The following EPHA6 variants were observed in gnomAD, a reference collection of about 807,000 sequenced individuals.
EPHA6 encodes ephrin type-A receptor 6.
A neutral mutation model predicts 112.0 loss-of-function variants in EPHA6; 50 were observed. That is an observed-to-expected ratio of 0.45 (90% CI 0.36 to 0.56). The LOEUF (loss-of-function observed/expected upper bound fraction) is 0.56. EPHA6 is among the 20% of genes least tolerant of loss of function. The probability of loss-of-function intolerance (pLI) is 0.00; values close to 1 mark genes in which losing one functional copy is unlikely to be tolerated. For synonymous variants in EPHA6, 529 were observed against 490.7 expected (o/e 1.08, Z -1.03); for missense variants, 1,280 against 1,417.4 (o/e 0.90, Z 1.56).
At position 97,032,267 on chromosome 3, in the gene EPHA6, G is replaced by T. The variant is rs183003329; in HGVS notation, c.1114+44274G>T. On this transcript the variant is annotated intron_variant, in intron 3 of 17. Transcript: ENST00000389672. ...AACAATGAGAACAACTTGGACACAG[G>T]AAGGGGAACATCACACACCAGGGAC... Among the ~76,000 whole-genome samples, 648 of 152,162 alleles carry T rather than the reference G, an allele frequency of 4.3e-3. 5 individuals are homozygous for T. Among genetic ancestry groups the T allele is most frequent in the Non-Finnish European group, 5.6e-3 (382 of 67,986 alleles).
chr3:97,270,616 AT>A (rs2079845947), intron 5 of EPHA6, among the ~76,000 whole-genome samples: 1 of 152,222 alleles, frequency 6.6e-6, no homozygotes, highest in Non-Finnish European at 1.5e-5. Flanking sequence ...TCAAAGCTTC[AT>A]AGCATAACTG....
intron 7 of EPHA6, among the ~76,000 whole-genome samples, chr3:97,469,562 T>C (rs1019830881): frequency 6.6e-6 from 1 of 151,660 alleles, no homozygotes; most frequent in Non-Finnish European, 1.5e-5. Flanking sequence ...GTACCTGAAC[T>C]AAGAAAATAC....
intron 1 of EPHA6, among the ~76,000 whole-genome samples, chr3:96,837,285 G>A (rs954301982): frequency 6.6e-6 from 1 of 152,064 alleles, no homozygotes; most frequent in Non-Finnish European, 1.5e-5. Context: ...ATTGCTCTCT[G>A]GTAGTAATGT....
chr3:97,548,577 A>C (rs963652255), intron 11 of EPHA6, among the ~76,000 whole-genome samples: 6 of 152,162 alleles, frequency 3.9e-5, no homozygotes, highest in African/African-American at 1.4e-4. Flanking sequence ...TGTCAATTAG[A>C]ATTCTTCTCT....
At position 97,085,928 on chromosome 3, in the gene EPHA6, C is replaced by CATATATAT. The variant is rs67777487; in HGVS notation, c.1114+97949_1114+97956dup. Among the ~76,000 whole-genome samples, 316 of 119,468 alleles carry CATATATAT rather than the reference C, an allele frequency of 2.6e-3. 10 individuals are homozygous for CATATATAT. Among genetic ancestry groups the CATATATAT allele is most frequent in the African/African-American group, 8.6e-3 (193 of 22,332 alleles). 78.4% of individuals were successfully genotyped at this position (119,468 alleles called of 152,430 possible). A position where few individuals can be genotyped will look rare whatever the true frequency, so the allele number is the denominator to read the frequency against. ...TTGTGAGCTTTTATATATATGATGT[C>CATATATAT]ATATATATATATATATATATACACA... On this transcript the variant is annotated intron_variant, in intron 3 of 17. Coordinates refer to ENST00000389672, the MANE Select transcript of EPHA6 (RefSeq NM_001080448.3).
chr3:97,518,931 C>A (rs902576074), intron 10 of EPHA6, among the ~76,000 whole-genome samples: 1 of 151,956 alleles, frequency 6.6e-6, no homozygotes, highest in Non-Finnish European at 1.5e-5. Flanking sequence ...CAGATATTTT[C>A]TCCCATTCAA....
At chr3:97,023,914 G>C (rs149615711) in intron 3 of EPHA6, among the ~76,000 whole-genome samples, 1 of 152,046 alleles carries the variant, frequency 6.6e-6, no homozygotes, top group Non-Finnish European at 1.5e-5. Context: ...GCAATATTTT[G>C]CATTTGAGTA....
intron 5 of EPHA6, among the ~76,000 whole-genome samples, chr3:97,385,365 T>C (rs2085999036): frequency 6.6e-6 from 1 of 152,188 alleles, no homozygotes; most frequent in Non-Finnish European, 1.5e-5. Flanking sequence ...CATATCAAGA[T>C]AATCTATATT....
intron 3 of EPHA6, among the ~76,000 whole-genome samples, chr3:97,172,245 T>TA (rs2076723360): frequency 6.6e-6 from 1 of 152,086 alleles, no homozygotes; most frequent in Admixed American, 6.6e-5. Context: ...TATTATATCT[T>TA]ACCTATTTTC....
chr3:97,254,287 C>T (rs2079235834), intron 5 of EPHA6, among the ~76,000 whole-genome samples: 1 of 152,138 alleles, frequency 6.6e-6, no homozygotes, highest in African/African-American at 2.4e-5. Flanking sequence ...CTCCTGGGTT[C>T]AAGCGATTCT....
intron 5 of EPHA6, among the ~76,000 whole-genome samples, chr3:97,286,433 ATTT>A (rs2108676107): frequency 6.6e-6 from 1 of 152,178 alleles, no homozygotes; most frequent in East Asian, 1.9e-4. Flanking sequence ...AGAGATAGGG[ATTT>A]AGTTTCATTT....
intron 12 of EPHA6, among the ~76,000 whole-genome samples, chr3:97,601,576 G>T (rs1210513993): frequency 6.6e-6 from 1 of 152,044 alleles, no homozygotes; most frequent in Non-Finnish European, 1.5e-5. Flanking sequence ...CACCATGTTG[G>T]CTTTTCATAT....
chr3:97,494,282 C>T lies in EPHA6; in HGVS notation c.2200+10223C>T, dbSNP rs144741178. 9.6e-4 allele frequency among the ~76,000 whole-genome samples: 146 copies of T among 151,888 alleles called. 2 individuals are homozygous for T. Among genetic ancestry groups the T allele is most frequent in the East Asian group, 7.8e-3 (40 of 5,158 alleles). ...GGGTTTCTTCCCCAAAAGTTATTTCCGCCTTTTATAACCAGTTAATCTATC... is the reference window on the plus strand; with the variant it reads ...GGGTTTCTTCCCCAAAAGTTATTTCTGCCTTTTATAACCAGTTAATCTATC... On this transcript the variant is annotated intron_variant, in intron 10 of 17. Coordinates refer to ENST00000389672, the MANE Select transcript of EPHA6 (RefSeq NM_001080448.3).
At chr3:97,278,645 C>T (rs1397466674) in intron 5 of EPHA6, among the ~76,000 whole-genome samples, 1 of 152,200 alleles carries the variant, frequency 6.6e-6, no homozygotes, top group Non-Finnish European at 1.5e-5. Flanking sequence ...CTGTCCACTG[C>T]ATATCAGAAT....
intron 2 of EPHA6, among the ~76,000 whole-genome samples, chr3:96,963,357 C>T (rs546785046): frequency 5.3e-5 from 8 of 152,202 alleles, no homozygotes; most frequent in African/African-American, 1.7e-4. Context: ...GGATTTCCAT[C>T]CCCTCATGCA....
intron 5 of EPHA6, among the ~76,000 whole-genome samples, chr3:97,255,063 A>C (rs532605568): frequency 3.3e-5 from 5 of 152,160 alleles, no homozygotes; most frequent in Non-Finnish European, 5.9e-5. Context: ...AGTGTTCTTC[A>C]TGAATGTTCA....
At chr3:97,565,298 A>T (rs2093248533) in intron 11 of EPHA6, among the ~76,000 whole-genome samples, 1 of 152,164 alleles carries the variant, frequency 6.6e-6, no homozygotes, top group Admixed American at 6.5e-5. Context: ...TGTAGTAATA[A>T]CAGCCCTATT....
intron 2 of EPHA6, among the ~76,000 whole-genome samples, chr3:96,932,261 ATGTGAGTAG>A (rs1399577103): frequency 5.3e-5 from 8 of 152,204 alleles, no homozygotes; most frequent in African/African-American, 1.7e-4. Flanking sequence ...TCATTCCTCT[ATGTGAGTAG>A]TGTGGACTGC....
At chr3:97,047,354 G>T (rs573079174) in intron 3 of EPHA6, among the ~76,000 whole-genome samples, 1 of 151,780 alleles carries the variant, frequency 6.6e-6, no homozygotes, top group East Asian at 1.9e-4. Flanking sequence ...CAAAAAATTA[G>T]CTGGGCGTGG....
Sources: gnomAD v4.1 joint callset for allele counts (sites outside exome capture counted in the v4.1 genomes callset) on GRCh38, gnomAD v4.1.1 for gene constraint, MANE v1.5 for transcripts, NCBI Gene and HGNC (gene_info 2026-07-23, HGNC 2026-07-21) for gene names.